CACNA2D1: variants seen among roughly 807,000 people sequenced by gnomAD.
CACNA2D1 encodes the protein calcium voltage-gated channel auxiliary subunit alpha2delta 1.
In CACNA2D1, 53 loss-of-function variants were observed where a neutral mutation model predicts 171.5. The ratio of observed to expected loss-of-function variants is 0.31; its 90% CI spans 0.25 to 0.39. CACNA2D1 has a LOEUF of 0.39. Among genes scored for constraint, CACNA2D1 ranks in the 10% least tolerant of loss-of-function variants. The probability of loss-of-function intolerance (pLI) is 1.00; values close to 1 mark genes in which losing one functional copy is unlikely to be tolerated. For synonymous variants in CACNA2D1, 442 were observed against 443.1 expected, an observed-to-expected ratio of 1.00 and a Z score of 0.03; for missense variants, 903 against 1,299.8, an observed-to-expected ratio of 0.69 and a Z score of 4.69.
At chr7:82,314,319 C>T (rs147207673) in intron 3 of CACNA2D1, among the ~76,000 whole-genome samples, 115 of 152,294 alleles carry the variant, frequency 7.6e-4, no homozygotes, top group Non-Finnish European at 1.5e-3. Flanking sequence ...CTTGTATTCA[C>T]AATGCTGAGA....
chr7:82,348,699 T>C (rs1247883528), intron 2 of CACNA2D1, among the ~76,000 whole-genome samples: 2 of 152,190 alleles, frequency 1.3e-5, no homozygotes, highest in Non-Finnish European at 2.9e-5. Context: ...CAGTTTCTCA[T>C]ATATATTTAC....
At chr7:82,386,087 G>T (rs1158221572) in intron 1 of CACNA2D1, among the ~76,000 whole-genome samples, 2 of 152,020 alleles carry the variant, frequency 1.3e-5, no homozygotes, top group African/African-American at 4.8e-5. Context: ...TTTGGTTCTT[G>T]GAATGACTAT....
At chr7:82,315,483 A>G (rs1815005249) in intron 3 of CACNA2D1, among the ~76,000 whole-genome samples, 1 of 152,182 alleles carries the variant, frequency 6.6e-6, no homozygotes, top group Admixed American at 6.5e-5. Flanking sequence ...GTAAACATCA[A>G]TGGATTGAAT....
Position 82,012,254 on chromosome 7 carries a change from G to GAAAAAAAAAAA in CACNA2D1, c.1273-22_1273-12dup. 1 of 1,223,360 alleles carries GAAAAAAAAAAA rather than the reference G, an allele frequency of 8.2e-7. No homozygotes were observed. Among genetic ancestry groups the GAAAAAAAAAAA allele is most frequent in the Admixed American group, 1.9e-5 (1 of 53,732 alleles). 75.8% of individuals were successfully genotyped at this position (1,223,360 alleles called of 1,614,324 possible). On this transcript the variant is annotated splice_polypyrimidine_tract_variant and intron_variant, in intron 14 of 38. Transcript: ENST00000356860. ...AACATCCAAATATTCCTGTTTATGG[G>GAAAAAAAAAAA]AAAAAAAAAAAAAGTCGTGGTTAAA...
chr7:82,165,711 G>A (rs530403534), intron 4 of CACNA2D1, among the ~76,000 whole-genome samples: 1 of 151,922 alleles, frequency 6.6e-6, no homozygotes, highest in South Asian at 2.1e-4. Flanking sequence ...CTATCTTTAT[G>A]ATGAAGATAA....
At chr7:82,368,516 T>C (rs1411803773) in intron 1 of CACNA2D1, among the ~76,000 whole-genome samples, 3 of 152,354 alleles carry the variant, frequency 2.0e-5, no homozygotes, top group Admixed American at 1.3e-4. Flanking sequence ...CAAATCCATG[T>C]ACTATTTTAC....
At chr7:82,095,150 T>A (rs258657) in intron 6 of CACNA2D1, among the ~76,000 whole-genome samples, 3 of 151,860 alleles carry the variant, frequency 2.0e-5, no homozygotes, top group Non-Finnish European at 4.4e-5. Context: ...TCAAATGTCA[T>A]TCTGTATGCT....
In CACNA2D1 at chr7:82,339,644, A is replaced by G. The variant is rs116504913; in HGVS notation, c.178-4393T>C. On this transcript the variant is annotated intron_variant, in intron 2 of 38. Transcript: ENST00000356860. ...AAAGATAACGCACTGAGCCAATCAG[A>G]TGCTCTCACCACAAGATGACAGTTG... 8.1e-3 allele frequency among the ~76,000 whole-genome samples: 1,231 copies of G among 152,354 alleles called. 19 individuals are homozygous for G. Among genetic ancestry groups the G allele is most frequent in the African/African-American group, 0.028 (1,158 of 41,588 alleles).
chr7:82,367,139 G>A (rs1262048298), intron 1 of CACNA2D1, among the ~76,000 whole-genome samples: 2 of 151,628 alleles, frequency 1.3e-5, no homozygotes, highest in African/African-American at 4.8e-5. Context: ...CAAACTCCTG[G>A]GCTCAAGCAA....
rs777023624 is a variant in CACNA2D1 at position 81,970,757 on chromosome 7, A to C, written c.2142-20T>G. 3.4e-6 allele frequency: 5 copies of C among 1,479,206 alleles called. 1 individual carries two copies. The South Asian group carries it at 5.7e-5, about 17-fold the overall frequency. 91.6% of individuals were successfully genotyped at this position (1,479,206 alleles called of 1,614,324 possible). A position where few individuals can be genotyped will look rare whatever the true frequency, so the allele number is the denominator to read the frequency against. ...CCCTTGCTGAAACAGAAGACAAAAC[A>C]AGGAAATGTTCTATTGAACATATTC... On this transcript the variant is annotated intron_variant, in intron 26 of 38. Coordinates refer to ENST00000356860, the MANE Select transcript of CACNA2D1 (RefSeq NM_000722.4).
chr7:82,169,846 T>A (rs1795834686), intron 4 of CACNA2D1, among the ~76,000 whole-genome samples: 1 of 111,074 alleles, frequency 9.0e-6, no homozygotes, highest in Non-Finnish European at 2.2e-5. Flanking sequence ...TTCTGATTAT[T>A]AAGGAATTTT....
chr7:82,060,154 TATATATATATAATATATATATATA>T lies in CACNA2D1; in HGVS notation c.879+250_879+273del, dbSNP rs1467174247. ...TAAAACTTAAATTATATATATGTAT[TATATATATATAATATATATATATA>T]ATATATATATATTATATATATATTA... On this transcript the variant is annotated intron_variant, in intron 10 of 38. Coordinates refer to ENST00000356860, the MANE Select transcript of CACNA2D1 (RefSeq NM_000722.4). Among the ~76,000 whole-genome samples, 233 of 34,614 alleles carry T rather than the reference TATATATATATAATATATATATATA, an allele frequency of 6.7e-3. 23 individuals are homozygous for T. Among genetic ancestry groups the T allele is most frequent in the Middle Eastern group, 0.016 (1 of 64 alleles). 22.7% of individuals were successfully genotyped at this position (34,614 alleles called of 152,430 possible). A position where few individuals can be genotyped will look rare whatever the true frequency, so the allele number is the denominator to read the frequency against.
At chr7:82,373,755 A>G (rs568512703) in intron 1 of CACNA2D1, among the ~76,000 whole-genome samples, 1 of 152,272 alleles carries the variant, frequency 6.6e-6, no homozygotes, top group East Asian at 1.9e-4. Context: ...ATATTTTCCT[A>G]TTGTGTTTTC....
intron 4 of CACNA2D1, among the ~76,000 whole-genome samples, chr7:82,141,398 C>T (rs1418394619): frequency 1.3e-5 from 2 of 151,882 alleles, no homozygotes; most frequent in African/African-American, 2.4e-5. Context: ...AAGTTAAATG[C>T]CTTAAGTGGG....
chr7:82,122,270 C>A (rs1426595083), intron 5 of CACNA2D1, among the ~76,000 whole-genome samples: 3 of 152,118 alleles, frequency 2.0e-5, no homozygotes, highest in Non-Finnish European at 2.9e-5. Context: ...CTGATCCCTG[C>A]AATAACTTGT....
intron 3 of CACNA2D1, among the ~76,000 whole-genome samples, chr7:82,282,713 G>T (rs77197549): frequency 2.8e-5 from 4 of 145,038 alleles, no homozygotes; most frequent in Admixed American, 1.4e-4. Context: ...GTGGGGGGGG[G>T]AATCACAGAG....
chr7:82,086,471 C>T (rs1419411659), intron 6 of CACNA2D1, among the ~76,000 whole-genome samples: 2 of 152,018 alleles, frequency 1.3e-5, no homozygotes, highest in East Asian at 3.9e-4. Context: ...ATCTGAGATA[C>T]TAGAGAATTC....
At chr7:82,250,941 C>T (rs947490154) in intron 3 of CACNA2D1, among the ~76,000 whole-genome samples, 3 of 152,054 alleles carry the variant, frequency 2.0e-5, no homozygotes, top group East Asian at 1.9e-4. Flanking sequence ...ATAACCTTTT[C>T]CCATATATTT....
intron 2 of CACNA2D1, among the ~76,000 whole-genome samples, chr7:82,344,316 G>A (rs895189303): frequency 6.6e-6 from 1 of 152,054 alleles, no homozygotes; most frequent in African/African-American, 2.4e-5. Flanking sequence ...TCCAAAGATT[G>A]CCAAATGTAT....
Sources: gnomAD v4.1 joint callset for allele counts (sites outside exome capture counted in the v4.1 genomes callset) on GRCh38, gnomAD v4.1.1 for gene constraint, MANE v1.5 for transcripts, NCBI Gene and HGNC (gene_info 2026-07-23, HGNC 2026-07-21) for gene names.